The following EYS variants were observed in gnomAD, a reference collection of about 807,000 sequenced individuals.
EYS encodes the protein protein eyes shut homolog.
EYS carries 250 observed loss-of-function variants against 282.1 expected under a neutral mutation model. That is an observed-to-expected ratio of 0.89 (90% CI 0.80 to 0.98). The LOEUF (loss-of-function observed/expected upper bound fraction) is 0.98, where lower values mean the gene tolerates loss of function less well. EYS is among the 50% of genes least tolerant of loss of function. EYS has a pLI of 0.00. For synonymous variants in EYS, 1,355 were observed against 1,282.9 expected, an observed-to-expected ratio of 1.06 and a Z score of -1.20; for missense variants, 4,016 against 3,709.0, an observed-to-expected ratio of 1.08 and a Z score of -2.15.
intron 12 of EYS, among the ~76,000 whole-genome samples, chr6:65,141,027 A>G (rs1764323697): frequency 6.6e-6 from 1 of 151,838 alleles, no homozygotes; most frequent in Non-Finnish European, 1.5e-5. Flanking sequence ...ATGCTGCTAT[A>G]AAGACACATG....
intron 30 of EYS, among the ~76,000 whole-genome samples, chr6:64,291,884 A>G (rs1768725873): frequency 6.6e-6 from 1 of 152,144 alleles, no homozygotes; most frequent in South Asian, 2.1e-4. Flanking sequence ...TGTCAAATAT[A>G]TATGAAGATG....
chr6:65,573,372 C>G (rs1764547705), intron 2 of EYS, among the ~76,000 whole-genome samples: 1 of 152,182 alleles, frequency 6.6e-6, no homozygotes, highest in Non-Finnish European at 1.5e-5. Context: ...GTGGTCTCCA[C>G]AAGTCTGCTC....
intron 13 of EYS, among the ~76,000 whole-genome samples, chr6:65,007,910 T>C (rs1056529118): frequency 1.3e-5 from 2 of 152,202 alleles, no homozygotes; most frequent in African/African-American, 4.8e-5. Context: ...TGGAGAGATA[T>C]AATGTTACTG....
chr6:65,557,007 C>T (rs1768837411), intron 2 of EYS, among the ~76,000 whole-genome samples: 2 of 152,064 alleles, frequency 1.3e-5, no homozygotes, highest in Admixed American at 6.5e-5. Flanking sequence ...ATATTAAGAA[C>T]TGTTTTGAAA....
At chr6:64,669,710 G>A (rs931536601) in intron 22 of EYS, among the ~76,000 whole-genome samples, 3 of 152,148 alleles carry the variant, frequency 2.0e-5, no homozygotes, top group Non-Finnish European at 4.4e-5. Flanking sequence ...TTCTTAAAAT[G>A]ACATTTTCTT....
chr6:64,392,576 C>G (rs1388777094), intron 28 of EYS, among the ~76,000 whole-genome samples: 1 of 151,568 alleles, frequency 6.6e-6, no homozygotes, highest in African/African-American at 2.4e-5. Context: ...TCTTTGAAAC[C>G]AATGAGAACA....
intron 5 of EYS, among the ~76,000 whole-genome samples, chr6:65,466,017 G>A (rs568873398): frequency 3.9e-5 from 6 of 152,016 alleles, no homozygotes; most frequent in Non-Finnish European, 8.8e-5. Context: ...ATAAGAGAAA[G>A]AAAATTCTAC....
chr6:64,620,963 C>A (rs9353970), intron 23 of EYS, among the ~76,000 whole-genome samples: 86,503 of 151,832 alleles, frequency 0.57, 24,962 homozygotes, highest in South Asian at 0.69. Context: ...AATTGTGGTG[C>A]AAAATAAAGA....
At chr6:63,852,112 C>T (rs1339625918) in intron 36 of EYS, among the ~76,000 whole-genome samples, 2 of 140,316 alleles carry the variant, frequency 1.4e-5, no homozygotes, top group South Asian at 2.3e-4. Flanking sequence ...AGCCGAGATC[C>T]CGCCACTGCA....
chr6:63,864,024 C>A (rs1772611352), intron 36 of EYS, among the ~76,000 whole-genome samples, 162 bp downstream of exon 36: 1 of 152,146 alleles, frequency 6.6e-6, no homozygotes, highest in Non-Finnish European at 1.5e-5. Flanking sequence ...GCTTGGTGAT[C>A]AGTCTCACTA....
intron 22 of EYS, among the ~76,000 whole-genome samples, chr6:64,678,357 C>T (rs1365125843): frequency 2.0e-5 from 3 of 152,142 alleles, no homozygotes; most frequent in Non-Finnish European, 2.9e-5. Context: ...GTGGGCAGAT[C>T]ACCTGAGGTC....
chr6:64,211,288 G>C (rs940629767), intron 31 of EYS, among the ~76,000 whole-genome samples: 2 of 152,118 alleles, frequency 1.3e-5, no homozygotes, highest in Non-Finnish European at 2.9e-5. Context: ...AGACAATTTA[G>C]AGATACAACA....
chr6:65,206,710 G>A lies in EYS; in HGVS notation c.2023+89153C>T, dbSNP rs9453224. On this transcript the variant is annotated intron_variant, in intron 12 of 42. Coordinates refer to ENST00000503581, the MANE Select transcript of EYS (RefSeq NM_001142800.2). ...TGGGTTTTATTCCAGGGATATAAGG[G>A]CAATTCAACATTTGCAAATCAATGA... Among the ~76,000 whole-genome samples the A allele has an allele frequency of 5.7e-3, 864 of 151,712 alleles. 8 individuals carry two copies. The highest frequency in any genetic ancestry group is 0.02 in the African/African-American group (833 of 41,452).
At chr6:65,521,043 A>C (rs1207767243) in intron 2 of EYS, among the ~76,000 whole-genome samples, 2 of 152,196 alleles carry the variant, frequency 1.3e-5, no homozygotes, top group African/African-American at 4.8e-5. Flanking sequence ...ACACCAAAAA[A>C]TTATTACAAT....
At chr6:64,476,083 T>C (rs991099993) in intron 26 of EYS, among the ~76,000 whole-genome samples, 3 of 152,134 alleles carry the variant, frequency 2.0e-5, no homozygotes, top group African/African-American at 7.2e-5. Flanking sequence ...AAGCCACTGT[T>C]CCCAGGTTTG....
chr6:65,424,096 G>A (rs1043091547), intron 5 of EYS, among the ~76,000 whole-genome samples: 1 of 151,728 alleles, frequency 6.6e-6, no homozygotes, highest in Non-Finnish European at 1.5e-5. Flanking sequence ...TTTGTGTCCT[G>A]GCAGCCTCCT....
intron 29 of EYS, among the ~76,000 whole-genome samples, chr6:64,385,518 A>G (rs2150422610): frequency 6.6e-6 from 1 of 152,314 alleles, no homozygotes; most frequent in South Asian, 2.1e-4. Flanking sequence ...TGATTATAAC[A>G]AATGTCCAGT....
chr6:64,418,871 T>TCA lies in EYS; in HGVS notation c.5927+17301_5927+17302dup, dbSNP rs201263663. On this transcript the variant is annotated intron_variant, in intron 28 of 42. Coordinates refer to ENST00000503581, the MANE Select transcript of EYS (RefSeq NM_001142800.2). ...AAGTTAGATTTATATTGTGATTTGA[T>TCA]CACACAGTCCCTGAGAAAAGGTGAG... Among the ~76,000 whole-genome samples, 1,249 of 152,256 alleles carry TCA rather than the reference T, an allele frequency of 8.2e-3. 11 individuals carry two copies. Among genetic ancestry groups the TCA allele is most frequent in the African/African-American group, 0.022 (931 of 41,544 alleles).
chr6:63,754,454 G>A (rs140740933), intron 41 of EYS, among the ~76,000 whole-genome samples: 1,606 of 151,990 alleles, frequency 0.011, 25 homozygotes, highest in African/African-American at 0.037. Flanking sequence ...TTGGTTTTCT[G>A]TCCTTGTGAT....
Sources: gnomAD v4.1 joint callset for allele counts (sites outside exome capture counted in the v4.1 genomes callset) on GRCh38, gnomAD v4.1.1 for gene constraint, MANE v1.5 for transcripts, NCBI Gene and HGNC (gene_info 2026-07-23, HGNC 2026-07-21) for gene names.